Variants in TMTC2 observed in about 807,000 individuals in gnomAD.
The protein encoded by TMTC2 is protein O-mannosyl-transferase TMTC2.
In TMTC2, 43 loss-of-function variants were observed where a neutral mutation model predicts 82.4. The observed-to-expected ratio is 0.52, with a 90% CI of 0.41 to 0.67. The LOEUF is 0.67. TMTC2 is among the 30% of genes least tolerant of loss of function. TMTC2 has a pLI of 0.00. For missense variants in TMTC2, 919 were observed against 1,012.4 expected, an observed-to-expected ratio of 0.91 and a Z score of 1.25; for synonymous variants, 408 against 381.9, an observed-to-expected ratio of 1.07 and a Z score of -0.80.
intron 11 of TMTC2, among the ~76,000 whole-genome samples, chr12:83,089,839 A>C (rs930358553): frequency 6.9e-6 from 1 of 144,136 alleles, no homozygotes; most frequent in East Asian, 2.1e-4. Flanking sequence ...AAAACAAAAA[A>C]CAAAAAACAA....
intron 11 of TMTC2, among the ~76,000 whole-genome samples, chr12:83,098,573 C>A (rs1884108492): frequency 6.6e-6 from 1 of 152,306 alleles, no homozygotes; most frequent in Admixed American, 6.5e-5. Context: ...GTTAAAAATA[C>A]CCTTTGACAT....
chr12:82,773,772 T>C (rs1877439316), intron 1 of TMTC2, among the ~76,000 whole-genome samples: 1 of 152,118 alleles, frequency 6.6e-6, no homozygotes, highest in African/African-American at 2.4e-5. Flanking sequence ...GATACTTCTT[T>C]AGCCAGGATA....
chr12:82,687,903 C>G (rs563595481), intron 1 of TMTC2, among the ~76,000 whole-genome samples: 2 of 152,288 alleles, frequency 1.3e-5, no homozygotes, highest in African/African-American at 2.4e-5. Flanking sequence ...CCTTGCTTCT[C>G]GGCTGTTGGC....
chr12:82,818,880 A>G (rs1361313249), intron 1 of TMTC2, among the ~76,000 whole-genome samples: 1 of 152,132 alleles, frequency 6.6e-6, no homozygotes, highest in South Asian at 2.1e-4. Context: ...ATGGGCAGTG[A>G]TAGACTTCAT....
intron 11 of TMTC2, among the ~76,000 whole-genome samples, chr12:83,125,462 GA>G (rs1885074460): frequency 6.6e-6 from 1 of 152,136 alleles, no homozygotes; most frequent in South Asian, 2.1e-4. Context: ...CACCAAAGAG[GA>G]AATATAAAGA....
In TMTC2 at chr12:82,687,031, C is replaced by G. The variant is rs1872335576; in HGVS notation, c.-556C>G. On this transcript the variant is annotated 5_prime_UTR_variant, in exon 1 of 12. Transcript: ENST00000321196. Reference sequence around the variant, plus strand: ...CTAATAAACATTGAATGTGCAGCAGCTGCCTTGGCGGCCGGAGTCCGCCCG... The same window carrying G: ...CTAATAAACATTGAATGTGCAGCAGGTGCCTTGGCGGCCGGAGTCCGCCCG... The G allele has an allele frequency of 6.2e-6, 1 of 160,938 alleles. No individual in the cohort carries two copies. Among genetic ancestry groups the G allele is most frequent in the Admixed American group, 6.0e-5 (1 of 16,744 alleles). The allele number at this position is 160,938 out of a possible 1,614,324, so 10.0% of individuals were successfully genotyped here. A position where few individuals can be genotyped will look rare whatever the true frequency, so the allele number is the denominator to read the frequency against.
intron 1 of TMTC2, among the ~76,000 whole-genome samples, chr12:82,762,821 T>C (rs190212684): frequency 4.9e-4 from 74 of 151,572 alleles, no homozygotes; most frequent in African/African-American, 1.7e-3. Flanking sequence ...TACATGTTTA[T>C]GTTTTTTAAA....
intron 2 of TMTC2, among the ~76,000 whole-genome samples, chr12:82,889,705 T>G (rs1321044467): frequency 6.6e-6 from 1 of 152,228 alleles, no homozygotes; most frequent in Non-Finnish European, 1.5e-5. Context: ...CAACATGATT[T>G]TTCACCAGTC....
intron 11 of TMTC2, among the ~76,000 whole-genome samples, chr12:83,087,606 G>A (rs1343569040): frequency 2.6e-5 from 4 of 152,176 alleles, no homozygotes; most frequent in Non-Finnish European, 4.4e-5. Context: ...GTTACAGAAA[G>A]GTAAACAACG....
intron 1 of TMTC2, among the ~76,000 whole-genome samples, chr12:82,840,800 G>A (rs1487828662): frequency 6.6e-6 from 1 of 152,120 alleles, no homozygotes; most frequent in African/African-American, 2.4e-5. Context: ...TTTTCTTTGA[G>A]GTGGAGTCTT....
At chr12:82,860,135 G>C (rs560278987) in intron 2 of TMTC2, among the ~76,000 whole-genome samples, 1 of 152,126 alleles carries the variant, frequency 6.6e-6, no homozygotes, top group East Asian at 1.9e-4. Flanking sequence ...CACCAGGCCT[G>C]GCTAATTTTT....
chr12:82,852,880 C>T (rs1871056497), intron 1 of TMTC2, among the ~76,000 whole-genome samples: 1 of 152,112 alleles, frequency 6.6e-6, no homozygotes, highest in Admixed American at 6.6e-5. Context: ...ATATTAAATT[C>T]CAGTACATTT....
rs149782037 is a variant in TMTC2 at position 82,909,455 on chromosome 12, T to C, written c.1483+12809T>C. On this transcript the variant is annotated intron_variant, in intron 3 of 11. Coordinates refer to ENST00000321196, the MANE Select transcript of TMTC2 (RefSeq NM_152588.3). ...CCCAGGTTCAAGTGATTCTCCTCCTTCAGCCTCCCAAGTAGCTGGGATTAC... is the reference window on the plus strand; with the variant it reads ...CCCAGGTTCAAGTGATTCTCCTCCTCCAGCCTCCCAAGTAGCTGGGATTAC... Among the ~76,000 whole-genome samples, 743 of 152,234 alleles carry C rather than the reference T, an allele frequency of 4.9e-3. 5 individuals carry two copies. The highest frequency in any genetic ancestry group is 6.6e-3 in the Non-Finnish European group (451 of 68,008).
chr12:83,104,198 C>T (rs1476480968), intron 11 of TMTC2, among the ~76,000 whole-genome samples: 4 of 152,204 alleles, frequency 2.6e-5, no homozygotes, highest in African/African-American at 9.6e-5. Context: ...GTACCTGTGC[C>T]TTTCTGAGGC....
intron 11 of TMTC2, among the ~76,000 whole-genome samples, chr12:83,092,936 G>A (rs1262642388): frequency 6.6e-6 from 1 of 152,216 alleles, no homozygotes; most frequent in African/African-American, 2.4e-5. Context: ...AAATTTACTG[G>A]TGGTAAAGTA....
intron 8 of TMTC2, among the ~76,000 whole-genome samples, chr12:83,002,625 A>G (rs1406748385): frequency 2.0e-5 from 3 of 151,874 alleles, no homozygotes; most frequent in Non-Finnish European, 4.4e-5. Context: ...ACTTATTTCA[A>G]TTTTTTATTT....
chr12:82,966,778 G>T, intron 6 of TMTC2, 141 bp from the exon 7 acceptor site: 1 of 560,208 alleles, frequency 1.8e-6, no homozygotes, highest in Admixed American at 3.4e-5. Flanking sequence ...CAAAAGGACA[G>T]TTCAATTATT....
chr12:82,856,087 T>C (rs1257619160), intron 1 of TMTC2, among the ~76,000 whole-genome samples: 1 of 152,226 alleles, frequency 6.6e-6, no homozygotes, highest in African/African-American at 2.4e-5. Context: ...GAGAATAATA[T>C]CTACCTCATC....
chr12:83,088,309 C>A (rs1051538862), intron 11 of TMTC2, among the ~76,000 whole-genome samples: 3 of 152,046 alleles, frequency 2.0e-5, no homozygotes, highest in Admixed American at 2.0e-4. Flanking sequence ...ACAATTACAT[C>A]TTTTTTTTGT....
Sources: allele counts gnomAD v4.1 joint callset (sites outside exome capture counted in the v4.1 genomes callset), GRCh38; gene constraint gnomAD v4.1.1; transcripts MANE v1.5; gene names NCBI Gene and HGNC (gene_info 2026-07-23, HGNC 2026-07-21).